SHQ1: variants seen among roughly 807,000 people sequenced by gnomAD.
The protein encoded by SHQ1 is SHQ1, H/ACA ribonucleoprotein assembly factor.
SHQ1 carries 49 observed loss-of-function variants against 53.8 expected under a neutral mutation model. That is an observed-to-expected ratio of 0.91 (90% CI 0.72 to 1.16). The LOEUF is 1.16. SHQ1 is among the 50% of genes most tolerant of loss of function. The probability of loss-of-function intolerance (pLI) is 0.00; values close to 1 mark genes in which losing one functional copy is unlikely to be tolerated. For missense variants in SHQ1, 738 were observed against 683.1 expected (o/e 1.08, Z -0.90); for synonymous variants, 243 against 251.0 (o/e 0.97, Z 0.30).
chr3:72,820,775 A>C lies in SHQ1; in HGVS notation c.728-3391T>G, dbSNP rs536591492. Among the ~76,000 whole-genome samples, 3 of 152,302 alleles carry C rather than the reference A, an allele frequency of 2.0e-5. No individual in the cohort carries two copies. The East Asian group carries it at 5.8e-4, about 29-fold the overall frequency. On this transcript the variant is annotated intron_variant, in intron 6 of 10. Coordinates refer to ENST00000325599, the MANE Select transcript of SHQ1 (RefSeq NM_018130.3). Reference sequence around the variant, plus strand: ...ACTTTTAAAAATAATCTCCAGTGAAACAAAAGTCAGCTGAACTCTCAATAC... The same window carrying C: ...ACTTTTAAAAATAATCTCCAGTGAACCAAAAGTCAGCTGAACTCTCAATAC...
chr3:72,823,846 A>G (rs1707562431), intron 6 of SHQ1, among the ~76,000 whole-genome samples: 1 of 152,234 alleles, frequency 6.6e-6, no homozygotes, highest in Non-Finnish European at 1.5e-5. Flanking sequence ...TATTCTTTCC[A>G]TTTAAACATT....
At chr3:72,749,262 C>A (rs187753597), downstream of SHQ1, 245 of 217,044 alleles carry the variant, frequency 1.1e-3, 1 homozygote, top group Non-Finnish European at 4.9e-4. Flanking sequence ...GGAAAGCATA[C>A]GTCCACATGA....
intron 5 of SHQ1, among the ~76,000 whole-genome samples, chr3:72,824,867 T>A (rs917602915): frequency 6.6e-5 from 10 of 151,336 alleles, no homozygotes; most frequent in Non-Finnish European, 1.0e-4. Flanking sequence ...AGTAACATAA[T>A]CACAGCTCAC....
At chr3:72,770,711 C>T (rs996429955) in intron 10 of SHQ1, among the ~76,000 whole-genome samples, 1 of 152,198 alleles carries the variant, frequency 6.6e-6, no homozygotes, top group Non-Finnish European at 1.5e-5. Context: ...CAGAACAATA[C>T]ACCTAGCCTC....
At chr3:72,741,858 C>A in the SHQ1 span, among the ~76,000 whole-genome samples, 1,594 of 152,084 alleles carry the variant, frequency 0.01, 16 homozygotes, top group Non-Finnish European at 0.016. Context: ...ATATAGTATA[C>A]TAACAATTTC....
rs1354152179 is a variant in SHQ1, at chr3:72,763,946, A to C, written c.1182-13110T>G. On this transcript the variant is annotated intron_variant, in intron 10 of 10. Coordinates refer to ENST00000325599, the MANE Select transcript of SHQ1 (RefSeq NM_018130.3). The stretch of plus-strand genomic sequence containing the variant: ...TGAATATAGAAGAACATCAGTGATG[A>C]AGATCCTTACAGCAGAACAGAAATT... Among the ~76,000 whole-genome samples the C allele has an allele frequency of 2.0e-5, 3 of 152,154 alleles. No homozygotes were observed. The East Asian group carries it at 5.8e-4, about 29-fold the overall frequency.
At chr3:72,737,068 G>A in the SHQ1 span, among the ~76,000 whole-genome samples, 18 of 151,894 alleles carry the variant, frequency 1.2e-4, no homozygotes, top group Non-Finnish European at 2.1e-4. Flanking sequence ...TCAGGAGTTC[G>A]AGACCAGCTG....
chr3:72,799,916 A>T (rs1264979125), intron 9 of SHQ1, among the ~76,000 whole-genome samples: 1 of 152,150 alleles, frequency 6.6e-6, no homozygotes, highest in East Asian at 1.9e-4. Flanking sequence ...TTCTGGAAAC[A>T]GGGTTCTAAC....
intron 10 of SHQ1, among the ~76,000 whole-genome samples, chr3:72,788,046 C>T (rs1444497167): frequency 6.6e-6 from 1 of 152,202 alleles, no homozygotes; most frequent in East Asian, 1.9e-4. Flanking sequence ...AGTGCAGTGG[C>T]GTGATCTCGG....
At chr3:72,841,882 A>G (rs551281522) in intron 3 of SHQ1, among the ~76,000 whole-genome samples, 1 of 152,308 alleles carries the variant, frequency 6.6e-6, no homozygotes, top group South Asian at 2.1e-4. Flanking sequence ...GAGCTCAGGC[A>G]GTAATACTCC....
chr3:72,833,499 T>TAGAC (rs58448242), intron 4 of SHQ1, among the ~76,000 whole-genome samples: 42 of 37,384 alleles, frequency 1.1e-3, no homozygotes, highest in African/African-American at 2.3e-3. Context: ...GATAGATAGA[T>TAGAC]AGACAGACAG....
chr3:72,833,947 A>T (rs1250982525), intron 4 of SHQ1, among the ~76,000 whole-genome samples: 1 of 152,352 alleles, frequency 6.6e-6, no homozygotes, highest in East Asian at 1.9e-4. Context: ...GAAATAACTT[A>T]GAGAGTTGAG....
At chr3:72,764,862 T>C (rs58694195) in intron 10 of SHQ1, among the ~76,000 whole-genome samples, 4,750 of 152,304 alleles carry the variant, frequency 0.031, 222 homozygotes, top group African/African-American at 0.094. Flanking sequence ...TGTGGATTCT[T>C]GGATCTGATC....
At chr3:72,821,013 T>C (rs3772973) in intron 6 of SHQ1, among the ~76,000 whole-genome samples, 4,043 of 152,244 alleles carry the variant, frequency 0.027, 308 homozygotes, top group East Asian at 0.25. Flanking sequence ...CAAACATCCC[T>C]CTTATCTGGG....
intron 10 of SHQ1, among the ~76,000 whole-genome samples, chr3:72,774,379 A>G (rs367687098): frequency 6.6e-6 from 1 of 152,164 alleles, no homozygotes; most frequent in African/African-American, 2.4e-5. Flanking sequence ...TAACAATTCG[A>G]AGATCAACAT....
intron 10 of SHQ1, among the ~76,000 whole-genome samples, chr3:72,769,843 AACTG>A (rs1355209498): frequency 6.6e-6 from 1 of 152,196 alleles, no homozygotes; most frequent in African/African-American, 2.4e-5. Context: ...GTCGGCAAAC[AACTG>A]ACTGACCACA....
chr3:72,759,184 G>A (rs932185545), intron 10 of SHQ1, among the ~76,000 whole-genome samples: 28 of 152,246 alleles, frequency 1.8e-4, no homozygotes, highest in Admixed American at 3.3e-4. Flanking sequence ...CATATGCAAT[G>A]ACTCTATTTC....
At chr3:72,726,801 A>G in the SHQ1 span, among the ~76,000 whole-genome samples, 1 of 152,148 alleles carries the variant, frequency 6.6e-6, no homozygotes, top group Non-Finnish European at 1.5e-5. Context: ...ATTGATATCA[A>G]TTACTGCGTC....
intron 9 of SHQ1, among the ~76,000 whole-genome samples, chr3:72,806,169 G>T (rs193150758): frequency 2.0e-5 from 3 of 152,286 alleles, no homozygotes; most frequent in African/African-American, 7.2e-5. Flanking sequence ...TGTACTCCAA[G>T]GAAGAGACAA....
Sources: gnomAD v4.1 joint callset for allele counts (sites outside exome capture counted in the v4.1 genomes callset) on GRCh38, gnomAD v4.1.1 for gene constraint, MANE v1.5 for transcripts, NCBI Gene and HGNC (gene_info 2026-07-23, HGNC 2026-07-21) for gene names.